Variants in TBC1D5 observed in about 807,000 individuals in gnomAD.
The protein encoded by TBC1D5 is TBC1 domain family member 5, also known as TBC1 domain family, member 5.
A neutral mutation model predicts 100.3 loss-of-function variants in TBC1D5; 75 were observed. The observed-to-expected ratio is 0.75, with a 90% CI of 0.62 to 0.91. The LOEUF is 0.91. TBC1D5 is among the 40% of genes least tolerant of loss of function. The pLI, the probability that TBC1D5 is intolerant of heterozygous loss-of-function variation, is 0.00. For missense variants in TBC1D5, 910 were observed against 942.4 expected (o/e 0.97, Z 0.45); for synonymous variants, 323 against 325.6 (o/e 0.99, Z 0.09).
At chr3:17,649,225 C>T (rs1475265154) in intron 1 of TBC1D5, among the ~76,000 whole-genome samples, 3 of 152,062 alleles carry the variant, frequency 2.0e-5, no homozygotes, top group Non-Finnish European at 4.4e-5. Context: ...AATTAACGCA[C>T]AACAGAAAAC....
In TBC1D5 at chr3:17,319,719, A is replaced by C. The variant is rs2150898599; in HGVS notation, c.996-11585T>G. Among the ~76,000 whole-genome samples the C allele has an allele frequency of 2.6e-5, 4 of 152,174 alleles. No individual in the cohort carries two copies. In the South Asian group the frequency reaches 8.3e-4, roughly 32 times the overall value. On this transcript the variant is annotated intron_variant, in intron 13 of 21. Transcript: ENST00000253692. ...CCCCGTCTCTACTAAAAATACAAAAAATTAGCCGGGTGGGGTGGCGGGCAC... is the reference window on the plus strand; with the variant it reads ...CCCCGTCTCTACTAAAAATACAAAACATTAGCCGGGTGGGGTGGCGGGCAC...
intron 2 of TBC1D5, among the ~76,000 whole-genome samples, chr3:17,565,959 T>C (rs115192315): frequency 2.4e-4 from 37 of 152,132 alleles, no homozygotes; most frequent in South Asian, 4.1e-4. Flanking sequence ...AGCACAATAT[T>C]TGAGATTGCT....
At chr3:17,405,681 A>G (rs143539480) in intron 5 of TBC1D5, among the ~76,000 whole-genome samples, 43 of 152,202 alleles carry the variant, frequency 2.8e-4, no homozygotes, top group African/African-American at 9.9e-4. Flanking sequence ...AGAAAAGTGT[A>G]TTTTAATTAT....
intron 3 of TBC1D5, among the ~76,000 whole-genome samples, chr3:17,472,429 G>A (rs1366828315): frequency 6.6e-6 from 1 of 151,944 alleles, no homozygotes; most frequent in African/African-American, 2.4e-5. Context: ...CCAGCCCAAA[G>A]GGAGATTTTT....
chr3:17,614,653 T>C (rs2061983872), intron 2 of TBC1D5, among the ~76,000 whole-genome samples: 1 of 152,212 alleles, frequency 6.6e-6, no homozygotes, highest in African/African-American at 2.4e-5. Flanking sequence ...GTAGCGATTG[T>C]GAATGGGAGT....
In TBC1D5 at chr3:17,707,520, A is replaced by G. The variant is rs549087556; in HGVS notation, c.-101+31823T>C. 3.3e-5 allele frequency among the ~76,000 whole-genome samples: 5 copies of G among 152,282 alleles called. No homozygotes were observed. The South Asian group carries it at 1.0e-3, about 32-fold the overall frequency. On this transcript the variant is annotated intron_variant, in intron 1 of 21. Coordinates refer to ENST00000253692, the Ensembl canonical transcript of TBC1D5. ...ATCAGATACCTTTACAACATCAACA[A>G]AATCAATGGAACAAAATGTCAAAAT...
At chr3:17,477,547 C>G (rs189767314) in intron 3 of TBC1D5, among the ~76,000 whole-genome samples, 6 of 152,086 alleles carry the variant, frequency 3.9e-5, no homozygotes, top group Admixed American at 3.9e-4. Flanking sequence ...CACGCAGAAA[C>G]TTATCTCTTC....
chr3:17,442,219 CTCTT>C (rs2094678573), intron 3 of TBC1D5, among the ~76,000 whole-genome samples: 1 of 152,132 alleles, frequency 6.6e-6, no homozygotes, highest in East Asian at 1.9e-4. Context: ...GGAAAGAAAT[CTCTT>C]TCTTTTTCCC....
intron 1 of TBC1D5, among the ~76,000 whole-genome samples, chr3:17,643,266 A>G (rs1302951291): frequency 2.6e-5 from 4 of 152,156 alleles, no homozygotes; most frequent in African/African-American, 4.8e-5. Flanking sequence ...AGAATATCAT[A>G]TAAGTGATGT....
At chr3:17,615,219 A>C (rs9713834) in intron 2 of TBC1D5, among the ~76,000 whole-genome samples, 1 of 152,238 alleles carries the variant, frequency 6.6e-6, no homozygotes, top group Non-Finnish European at 1.5e-5. Flanking sequence ...CAGCCTTGCA[A>C]CCCAGGGATG....
chr3:17,410,474 C>T (rs978895333), intron 4 of TBC1D5, among the ~76,000 whole-genome samples: 3 of 152,096 alleles, frequency 2.0e-5, no homozygotes, highest in African/African-American at 7.2e-5. Context: ...TTAAGAAATA[C>T]ATTTCATAGG....
At chr3:17,643,469 C>T (rs2064723718) in intron 1 of TBC1D5, among the ~76,000 whole-genome samples, 1 of 152,014 alleles carries the variant, frequency 6.6e-6, no homozygotes, top group South Asian at 2.1e-4. Context: ...AATGTTCACC[C>T]TTACTTTTGC....
At chr3:17,714,303 C>T (rs1024293523) in intron 1 of TBC1D5, among the ~76,000 whole-genome samples, 1 of 152,154 alleles carries the variant, frequency 6.6e-6, no homozygotes, top group Non-Finnish European at 1.5e-5. Context: ...TCTAAACATA[C>T]AATAGTCACC....
intron 2 of TBC1D5, among the ~76,000 whole-genome samples, chr3:17,549,837 G>A (rs1370491037): frequency 6.6e-6 from 1 of 151,960 alleles, no homozygotes; most frequent in African/African-American, 2.4e-5. Context: ...GGCTGAGGCA[G>A]GAGAATGGCT....
chr3:17,428,210 A>T (rs1383597750), intron 4 of TBC1D5, among the ~76,000 whole-genome samples: 1 of 151,844 alleles, frequency 6.6e-6, no homozygotes, highest in Non-Finnish European at 1.5e-5. Flanking sequence ...CAGATACTGC[A>T]GTAAGTGCAT....
chr3:17,342,796 C>T (rs568903429), intron 13 of TBC1D5, among the ~76,000 whole-genome samples: 17 of 152,144 alleles, frequency 1.1e-4, no homozygotes, highest in East Asian at 9.6e-4. Context: ...GACCATAACA[C>T]GCATATTATA....
chr3:17,674,798 A>G (rs985429528), intron 1 of TBC1D5, among the ~76,000 whole-genome samples: 4 of 152,142 alleles, frequency 2.6e-5, no homozygotes, highest in African/African-American at 9.6e-5. Flanking sequence ...ATGAAGTGAT[A>G]GAGATGGTCT....
chr3:17,353,067 T>C (rs934699817), intron 13 of TBC1D5, among the ~76,000 whole-genome samples: 1 of 152,092 alleles, frequency 6.6e-6, no homozygotes, highest in African/African-American at 2.4e-5. Flanking sequence ...ATTTTGAGTA[T>C]TCAATCACAG....
intron 1 of TBC1D5, among the ~76,000 whole-genome samples, chr3:17,694,036 G>A (rs1013156886): frequency 2.0e-5 from 3 of 152,124 alleles, no homozygotes; most frequent in Non-Finnish European, 4.4e-5. Context: ...CAAACAGAAA[G>A]GAATAGCATC....
Sources: gnomAD v4.1 joint callset for allele counts (sites outside exome capture counted in the v4.1 genomes callset) on GRCh38, gnomAD v4.1.1 for gene constraint, MANE v1.5 for transcripts, NCBI Gene and HGNC (gene_info 2026-07-23, HGNC 2026-07-21) for gene names.